The following MTSS1 variants were observed in gnomAD, a reference collection of about 807,000 sequenced individuals.
MTSS1 encodes MTSS I-BAR domain containing 1.
In MTSS1, 18 loss-of-function variants were observed where a neutral mutation model predicts 79.0. The observed-to-expected ratio is 0.23, with a 90% CI of 0.16 to 0.34. The LOEUF (loss-of-function observed/expected upper bound fraction) is 0.34. Among genes scored for constraint, MTSS1 ranks in the 10% least tolerant of loss-of-function variants. The probability of loss-of-function intolerance (pLI) is 1.00; values close to 1 mark genes in which losing one functional copy is unlikely to be tolerated. For missense variants in MTSS1, 815 were observed against 986.2 expected, an observed-to-expected ratio of 0.83 and a Z score of 2.33; for synonymous variants, 341 against 368.6, an observed-to-expected ratio of 0.93 and a Z score of 0.86.
chr8:124,598,807 A>C (rs1833216985), intron 3 of MTSS1, among the ~76,000 whole-genome samples: 1 of 152,204 alleles, frequency 6.6e-6, no homozygotes, highest in African/African-American at 2.4e-5. Context: ...AGCCCAAAAT[A>C]CTGGAAATAC....
At chr8:124,706,512 A>T (rs1830407643) in intron 1 of MTSS1, among the ~76,000 whole-genome samples, 1 of 152,260 alleles carries the variant, frequency 6.6e-6, no homozygotes, top group East Asian at 1.9e-4. Flanking sequence ...GCCTTCATGC[A>T]TTGGAGACCT....
At chr8:124,717,723 A>G (rs1455670903) in intron 1 of MTSS1, among the ~76,000 whole-genome samples, 1 of 152,158 alleles carries the variant, frequency 6.6e-6, no homozygotes, top group Admixed American at 6.5e-5. Flanking sequence ...ATAAAAATTA[A>G]AAAGAAAAAC....
intron 3 of MTSS1, among the ~76,000 whole-genome samples, chr8:124,624,520 C>A (rs956394458): frequency 2.0e-5 from 3 of 150,780 alleles, no homozygotes; most frequent in Non-Finnish European, 4.4e-5. Context: ...CCTGGCAGCT[C>A]CAGAGTAATG....
rs1219078304 is a variant in MTSS1, at chr8:124,553,239, G to C, written c.2021C>G (p.Pro674Arg). 3.1e-6 allele frequency: 5 copies of C among 1,614,190 alleles called. No individual in the cohort carries two copies. In the East Asian group the frequency reaches 6.7e-5, roughly 22 times the overall value. The change falls in exon 14 of 14, where the codon CCA (proline) becomes CGA (arginine). Residue 674 changes from proline (P) to arginine (R), a missense_variant. Physicochemically the swap from Pro to Arg is moderately radical, Grantham distance 103. Around this residue, in one of 2 missense-constraint regions of MTSS1, gnomAD observed 590 missense variants for 620.8 expected, o/e 0.95. Coordinates refer to ENST00000518547, the MANE Select transcript of MTSS1 (RefSeq NM_014751.6). The surrounding 1 kb of genome is among the most constrained non-coding windows in gnomAD (Gnocchi z 6.0). ...MWSGQASVNP[P>R]LPGPKPSIPE... is the part of the protein sequence containing the mutation. ...GATACTGGGCTTCGGGCCTGGAAGT[G>C]GAGGGTTAACGGAAGCTTGGCCGCT...
intron 5 of MTSS1, among the ~76,000 whole-genome samples, chr8:124,586,336 A>G (rs1830850943): frequency 6.6e-6 from 1 of 152,150 alleles, no homozygotes; most frequent in African/African-American, 2.4e-5. Flanking sequence ...TTCCCTGCCT[A>G]TCTGCACAGT....
At position 124,553,519 on chromosome 8, in the gene MTSS1, T is replaced by A. The variant is rs143860749; in HGVS notation, c.1741A>T (p.Met581Leu). The change falls in exon 14 of 14, where the codon ATG becomes TTG. Residue 581 changes from methionine to leucine, a missense_variant. By Grantham distance (15) the Met-to-Leu change is conservative (BLOSUM62 2). Coordinates refer to ENST00000518547, the MANE Select transcript of MTSS1 (RefSeq NM_014751.6). This position sits in a 1 kb window ranked among gnomAD's most constrained non-coding sequence, Gnocchi z 6.0. ...AGLPTTLGPA[M>L]VTPGVATIRR... is the part of the protein sequence containing the mutation. ...ATAGTTGCAACCCCTGGAGTGACCA[T>A]AGCAGGTCCCAGGGTGGTGGGGAGG... 1 of 1,614,046 alleles carries A rather than the reference T, an allele frequency of 6.2e-7. No individual in the cohort carries two copies. The highest frequency in any genetic ancestry group is 8.5e-7 in the Non-Finnish European group (1 of 1,179,994).
chr8:124,640,847 C>A (rs1025479806), intron 3 of MTSS1, among the ~76,000 whole-genome samples: 1 of 152,058 alleles, frequency 6.6e-6, no homozygotes, highest in Non-Finnish European at 1.5e-5. Context: ...CGGCCTCAAC[C>A]CTTCTAGATT....
At chr8:124,684,211 T>A (rs1400362973) in intron 3 of MTSS1, among the ~76,000 whole-genome samples, 1 of 152,196 alleles carries the variant, frequency 6.6e-6, no homozygotes, top group East Asian at 1.9e-4. Context: ...CTCTAAAAAG[T>A]CTTTGTTGCA....
intron 3 of MTSS1, among the ~76,000 whole-genome samples, chr8:124,611,440 C>T (rs1169987123): frequency 6.6e-6 from 1 of 152,158 alleles, no homozygotes; most frequent in Non-Finnish European, 1.5e-5. Context: ...ACACGACCTC[C>T]AGCTGTCAGC....
chr8:124,604,430 T>C (rs1407408025), intron 3 of MTSS1, among the ~76,000 whole-genome samples: 2 of 151,934 alleles, frequency 1.3e-5, no homozygotes, highest in African/African-American at 2.4e-5. Context: ...GCTGTGAAAA[T>C]AGGTTCCTTA....
At chr8:124,611,115 C>A (rs949352809) in intron 3 of MTSS1, among the ~76,000 whole-genome samples, 20 of 149,378 alleles carry the variant, frequency 1.3e-4, no homozygotes, top group Admixed American at 4.0e-4. Context: ...GACCCCCCCC[C>A]CCCAGCATGT....
At chr8:124,660,932 C>A (rs569834181) in intron 3 of MTSS1, among the ~76,000 whole-genome samples, 2 of 152,322 alleles carry the variant, frequency 1.3e-5, no homozygotes, top group East Asian at 3.9e-4. Context: ...TACACACCCT[C>A]CCACGCACAC....
intron 3 of MTSS1, among the ~76,000 whole-genome samples, chr8:124,653,648 T>C (rs1234543871): frequency 2.6e-5 from 4 of 152,150 alleles, no homozygotes; most frequent in African/African-American, 7.2e-5. Context: ...CGCTTGAACC[T>C]GGGAGGCTGA....
intron 3 of MTSS1, chr8:124,673,064 T>A (rs896763582): frequency 6.6e-6 from 1 of 152,154 alleles, no homozygotes; most frequent in African/African-American, 2.4e-5. Flanking sequence ...AGTTTCTGGA[T>A]GTTCTCGCTG....
At chr8:124,609,877 G>C (rs994362208) in intron 3 of MTSS1, among the ~76,000 whole-genome samples, 1 of 152,190 alleles carries the variant, frequency 6.6e-6, no homozygotes, top group South Asian at 2.1e-4. Context: ...TTTGGCAGCT[G>C]AGCTGACTCT....
intron 3 of MTSS1, among the ~76,000 whole-genome samples, chr8:124,606,211 G>T: frequency 7.0e-6 from 1 of 141,870 alleles, no homozygotes; most frequent in African/African-American, 2.6e-5. Context: ...TCACTCTTGT[G>T]GCCCAGGCTG....
chr8:124,709,357 G>A (rs888653969), intron 1 of MTSS1, among the ~76,000 whole-genome samples: 1 of 151,862 alleles, frequency 6.6e-6, no homozygotes, highest in Admixed American at 6.6e-5. Flanking sequence ...GAAATCCCTC[G>A]GAATGCACTC....
Position 124,727,761 on chromosome 8 carries a change from C to T in MTSS1, c.72+123G>A, listed in dbSNP as rs769302133. 8 of 823,684 alleles carry T rather than the reference C, an allele frequency of 9.7e-6. No homozygotes were observed. Among genetic ancestry groups the T allele is most frequent in the Non-Finnish European group, 1.3e-5 (7 of 542,206 alleles). 51.0% of individuals were successfully genotyped at this position (823,684 alleles called of 1,614,324 possible). A position where few individuals can be genotyped will look rare whatever the true frequency, so the allele number is the denominator to read the frequency against. The stretch of plus-strand genomic sequence containing the variant: ...AGGTGACACTCCGGCCGGGAGCTCC[C>T]GCAGGTGGCCGGTGGCCACACTGCA... On this transcript the variant is annotated intron_variant, in intron 1 of 13. Coordinates refer to ENST00000518547, the MANE Select transcript of MTSS1 (RefSeq NM_014751.6). The surrounding 1 kb of genome is among the most constrained non-coding windows in gnomAD (Gnocchi z 4.7).
intron 1 of MTSS1, among the ~76,000 whole-genome samples, chr8:124,705,233 G>A (rs774498701): frequency 3.9e-5 from 6 of 152,190 alleles, no homozygotes; most frequent in African/African-American, 9.7e-5. Flanking sequence ...CACTTTGGGA[G>A]GCCAAGGTGG....
Sources: allele counts gnomAD v4.1 joint callset (sites outside exome capture counted in the v4.1 genomes callset), GRCh38; gene constraint gnomAD v4.1.1; regional missense constraint gnomAD v4.1.1; non-coding constraint Gnocchi (gnomAD v3.1); transcripts MANE v1.5; gene names NCBI Gene and HGNC (gene_info 2026-07-23, HGNC 2026-07-21).